Variants in NVL observed in about 807,000 individuals in gnomAD.
NVL encodes nuclear VCP like.
NVL carries 84 observed loss-of-function variants against 110.2 expected under a neutral mutation model. The ratio of observed to expected loss-of-function variants is 0.76; its 90% confidence interval spans 0.64 to 0.91. NVL has a LOEUF of 0.91. Among genes scored for constraint, NVL ranks in the 40% least tolerant of loss-of-function variants. The pLI, the probability that NVL is intolerant of heterozygous loss-of-function variation, is 0.00. For synonymous variants in NVL, 354 were observed against 361.1 expected (o/e 0.98, Z 0.22); for missense variants, 882 against 1,035.9 (o/e 0.85, Z 2.04).
intron 15 of NVL, among the ~76,000 whole-genome samples, chr1:224,281,952 C>CAAA (rs528565412): frequency 0.011 from 674 of 59,204 alleles, 3 homozygotes; most frequent in African/African-American, 0.037. Flanking sequence ...GACTCTGTCT[C>CAAA]AAAAAAAAAA....
At chr1:224,243,836 A>G (rs1016802649) in intron 19 of NVL, among the ~76,000 whole-genome samples, 1 of 151,188 alleles carries the variant, frequency 6.6e-6, no homozygotes, top group Non-Finnish European at 1.5e-5. Context: ...TAATTTTTGT[A>G]TTTTTAGTAG....
At chr1:224,282,216 C>T (rs1008958282) in intron 15 of NVL, among the ~76,000 whole-genome samples, 1 of 151,878 alleles carries the variant, frequency 6.6e-6, no homozygotes, top group Non-Finnish European at 1.5e-5. Context: ...CAGGAGTATG[C>T]CACCACGCTC....
chr1:224,323,509 G>C (rs1670855366), intron 2 of NVL, among the ~76,000 whole-genome samples: 1 of 152,174 alleles, frequency 6.6e-6, no homozygotes. Flanking sequence ...GAATAGACAT[G>C]GGGTTAAAGC....
At chr1:224,325,210 C>T (rs574795749) in intron 2 of NVL, among the ~76,000 whole-genome samples, 5 of 151,070 alleles carry the variant, frequency 3.3e-5, no homozygotes, top group Admixed American at 2.0e-4. Flanking sequence ...TGCAGTGAGC[C>T]GAGATCGCGC....
At chr1:224,319,922 T>C (rs1199976950) in intron 2 of NVL, among the ~76,000 whole-genome samples, 1 of 152,146 alleles carries the variant, frequency 6.6e-6, no homozygotes, top group Non-Finnish European at 1.5e-5. Context: ...TCCAAAAACA[T>C]ATAACCTGAT....
chr1:224,307,859 G>A (rs901173238), intron 6 of NVL, 132 bp downstream of exon 6: 2 of 764,700 alleles, frequency 2.6e-6, no homozygotes, highest in African/African-American at 3.5e-5. Context: ...AGTGCAATGT[G>A]ATCAAATTCT....
At chr1:224,320,791 A>G (rs1220168909) in intron 2 of NVL, among the ~76,000 whole-genome samples, 1 of 152,186 alleles carries the variant, frequency 6.6e-6, no homozygotes, top group Non-Finnish European at 1.5e-5. Flanking sequence ...GTACGATGAC[A>G]GACACGTGCC....
intron 21 of NVL, among the ~76,000 whole-genome samples, chr1:224,231,693 T>C (rs910672908): frequency 3.3e-5 from 5 of 152,152 alleles, no homozygotes; most frequent in Admixed American, 2.6e-4. Context: ...CATAATATCA[T>C]AGAATATTTT....
intron 19 of NVL, among the ~76,000 whole-genome samples, chr1:224,249,281 A>G (rs1175673557): frequency 6.6e-6 from 1 of 152,082 alleles, no homozygotes; most frequent in Non-Finnish European, 1.5e-5. Flanking sequence ...GAGCCATTGA[A>G]GTCCAGCTAA....
Position 224,308,071 on chromosome 1 carries a change from G to T in NVL, c.535C>A (p.Pro179Thr). ...AAAAAACTGTCTTTCTTTACACTTG[G>T]GGTTTTGTCAATAAACCATCCTCCT... is the stretch of plus-strand genomic sequence containing the variant. ...SEGGWFIDKTPSVKKDSFFLD... is the reference protein window; with the variant it reads ...SEGGWFIDKTTSVKKDSFFLD... Residue 179 changes from proline to threonine, a missense_variant, in exon 6 of 23, where the codon CCA (proline) becomes ACA (threonine). Pro to Thr is a conservative substitution (Grantham distance 38). This residue lies in a region of NVL where 274 missense variants were observed against 268.4 expected (regional missense o/e 1.02). Coordinates refer to ENST00000281701, the MANE Select transcript of NVL (RefSeq NM_002533.4). 6.2e-7 allele frequency: 1 copy of T among 1,606,948 alleles called. No homozygotes were observed. The highest frequency in any genetic ancestry group is 8.5e-7 in the Non-Finnish European group (1 of 1,177,692).
At chr1:224,295,960 CA>C (rs942085228) in intron 11 of NVL, among the ~76,000 whole-genome samples, 2,770 of 41,886 alleles carry the variant, frequency 0.066, 16 homozygotes, top group East Asian at 0.18. Flanking sequence ...GACTCTGTCT[CA>C]AAAAAAAAAA....
intron 18 of NVL, among the ~76,000 whole-genome samples, chr1:224,260,005 T>C (rs1270354423): frequency 6.6e-6 from 1 of 152,110 alleles, no homozygotes; most frequent in Non-Finnish European, 1.5e-5. Flanking sequence ...CTACATATCA[T>C]AGCATCTATA....
intron 19 of NVL, among the ~76,000 whole-genome samples, chr1:224,241,627 G>A (rs1001540689): frequency 6.6e-6 from 1 of 151,906 alleles, no homozygotes; most frequent in African/African-American, 2.4e-5. Context: ...AGGCCGAGGC[G>A]GGTGGATCAC....
Position 224,281,284 on chromosome 1 carries a change from C to CGCGT in NVL, c.1900-100_1900-99insACGC, listed in dbSNP as rs1553320770. 4.5e-5 allele frequency: 25 copies of CGCGT among 553,138 alleles called. 1 individual carries two copies. In the South Asian group the frequency reaches 4.8e-4, roughly 11 times the overall value. The allele number at this position is 553,138 out of a possible 1,614,324, so 34.3% of individuals were successfully genotyped here. ...TGTGACAATGAAAGGACTCTGTGTG[C>CGCGT]GTGTGTGTGTGTGTGTGTGTGTGTG... On this transcript the variant is annotated intron_variant, in intron 15 of 22. Transcript: ENST00000281701.
chr1:224,298,083 A>C (rs1308154947), intron 10 of NVL, among the ~76,000 whole-genome samples: 1 of 151,992 alleles, frequency 6.6e-6, no homozygotes, highest in Non-Finnish European at 1.5e-5. Flanking sequence ...GCATGCCTGT[A>C]ATCCCAGCTA....
rs892248316 is a variant in NVL at position 224,247,068 on chromosome 1, A to G, written c.2289+3144T>C. On this transcript the variant is annotated intron_variant, in intron 19 of 22. Coordinates refer to ENST00000281701, the MANE Select transcript of NVL (RefSeq NM_002533.4). The stretch of plus-strand genomic sequence containing the variant: ...GACATACTGTGTCAAAAAAAAAAAA[A>G]AAAAAACAGAGCCAACGAAAGGGAG... Among the ~76,000 whole-genome samples the G allele has an allele frequency of 2.5e-4, 37 of 148,720 alleles. No homozygotes were observed. In the Admixed American group the frequency reaches 2.5e-3, roughly 10 times the overall value.
chr1:224,307,990 C>T lies in NVL; in HGVS notation c.615+1G>A, dbSNP rs779169231. 1.5e-5 allele frequency: 23 copies of T among 1,512,456 alleles called. No individual in the cohort carries two copies. The highest frequency in any genetic ancestry group is 1.9e-5 in the Non-Finnish European group (21 of 1,132,926). The allele number at this position is 1,512,456 out of a possible 1,614,324, so 93.7% of individuals were successfully genotyped here. A position where few individuals can be genotyped will look rare whatever the true frequency, so the allele number is the denominator to read the frequency against. On this transcript the variant is annotated splice_donor_variant, in intron 6 of 22. Coordinates refer to ENST00000281701, the MANE Select transcript of NVL (RefSeq NM_002533.4). LOFTEE classifies it high-confidence loss of function. ...GGGCTAAAATTTCATTACAAAAATA[C>T]CTGTATCTCAGTTATTGGCTTCTTA...
chr1:224,231,315 A>G lies in NVL; in HGVS notation c.2456-19T>C, dbSNP rs1445588557. 1.9e-6 allele frequency: 3 copies of G among 1,589,190 alleles called. No individual in the cohort carries two copies. Among genetic ancestry groups the G allele is most frequent in the South Asian group, 2.2e-5 (2 of 90,632 alleles). ...AGTTCACCTATGGAGTAAATGCACAAATATACACATCTCAGTATCGTATGG... is the reference window on the plus strand; with the variant it reads ...AGTTCACCTATGGAGTAAATGCACAGATATACACATCTCAGTATCGTATGG... On this transcript the variant is annotated intron_variant, in intron 21 of 22. Transcript: ENST00000281701.
chr1:224,247,822 T>G (rs1037012068), intron 19 of NVL, among the ~76,000 whole-genome samples: 7 of 152,190 alleles, frequency 4.6e-5, no homozygotes, highest in Non-Finnish European at 1.0e-4. Context: ...TGGATAATTC[T>G]TTGTTGTTGG....
Sources: gnomAD v4.1 joint callset for allele counts (sites outside exome capture counted in the v4.1 genomes callset) on GRCh38, gnomAD v4.1.1 for gene constraint, gnomAD v4.1.1 regional missense constraint, MANE v1.5 for transcripts, NCBI Gene and HGNC (gene_info 2026-07-23, HGNC 2026-07-21) for gene names.